Variants in TET1 observed in about 807,000 individuals in gnomAD.
TET1 encodes tet methylcytosine dioxygenase 1, also known as methylcytosine dioxygenase TET1.
TET1 carries 13 observed loss-of-function variants against 148.7 expected under a neutral mutation model. The ratio of observed to expected loss-of-function variants is 0.09; its 90% confidence interval spans 0.06 to 0.14. The LOEUF (loss-of-function observed/expected upper bound fraction) is 0.14. TET1 is among the 10% of genes least tolerant of loss of function. The probability of loss-of-function intolerance (pLI) is 1.00; values close to 1 mark genes in which losing one functional copy is unlikely to be tolerated. For synonymous variants in TET1, 907 were observed against 937.2 expected (o/e 0.97, Z 0.59); for missense variants, 2,182 against 2,553.8 (o/e 0.85, Z 3.14).
intron 3 of TET1, among the ~76,000 whole-genome samples, chr10:68,604,109 C>T (rs933397089): frequency 1.3e-5 from 2 of 152,178 alleles, no homozygotes; most frequent in African/African-American, 4.8e-5. Flanking sequence ...GGTCTAATTC[C>T]AGTCCTTCAA....
chr10:68,563,664 T>C (rs1459210249), intron 1 of TET1, among the ~76,000 whole-genome samples: 1 of 152,220 alleles, frequency 6.6e-6, no homozygotes, highest in African/African-American at 2.4e-5. Flanking sequence ...CTTGCTGACA[T>C]GTTGCTGTCA....
chr10:68,588,685 C>T (rs1164236329), intron 2 of TET1, among the ~76,000 whole-genome samples: 7 of 152,276 alleles, frequency 4.6e-5, no homozygotes, highest in South Asian at 4.1e-4. Flanking sequence ...AAAATGTTAA[C>T]ATGATTTAAA....
intron 3 of TET1, among the ~76,000 whole-genome samples, chr10:68,619,037 G>A (rs1002266801): frequency 2.6e-5 from 4 of 152,070 alleles, no homozygotes; most frequent in African/African-American, 9.7e-5. Flanking sequence ...TTAAATTTTC[G>A]AAAGGAATTA....
intron 2 of TET1, among the ~76,000 whole-genome samples, chr10:68,588,314 C>A (rs2053882358): frequency 6.6e-6 from 1 of 152,188 alleles, no homozygotes; most frequent in African/African-American, 2.4e-5. Flanking sequence ...AGCAGTATAG[C>A]ATTAAGAACT....
intron 2 of TET1, among the ~76,000 whole-genome samples, chr10:68,576,478 C>T (rs1590162835): frequency 1.3e-5 from 2 of 152,108 alleles, no homozygotes; most frequent in East Asian, 1.9e-4. Flanking sequence ...GCCTGGGCAA[C>T]ATAGCAAGAC....
chr10:68,691,319 C>G lies in TET1; in HGVS notation c.5916C>G (p.Asp1972Glu), dbSNP rs181081228. Reference protein sequence around the residue: ...QHSEADEPPSDEPLSDDPLSP... With the variant: ...QHSEADEPPSEEPLSDDPLSP... ...CTGAAGCAGATGAGCCTCCATCAGA[C>G]GAACCCCTATCTGATGACCCCCTGT... The change falls in exon 12 of 12, where the codon GAC (aspartate) becomes GAG (glutamate). Residue 1972 changes from aspartate to glutamate, a missense_variant. Transcript: ENST00000373644. This position sits in a 1 kb window ranked among gnomAD's most constrained non-coding sequence, Gnocchi z 4.4. The G allele has an allele frequency of 1.2e-6, 2 of 1,614,178 alleles. No individual in the cohort carries two copies. Among genetic ancestry groups the G allele is most frequent in the Admixed American group, 3.3e-5 (2 of 60,022 alleles).
intron 2 of TET1, among the ~76,000 whole-genome samples, chr10:68,591,228 TG>T (rs1200631940): frequency 6.6e-6 from 1 of 152,230 alleles, no homozygotes; most frequent in Non-Finnish European, 1.5e-5. Flanking sequence ...AAACAGACTT[TG>T]GAAAGTTAAT....
At chr10:68,637,581 T>G (rs963925872) in intron 3 of TET1, among the ~76,000 whole-genome samples, 11 of 147,088 alleles carry the variant, frequency 7.5e-5, no homozygotes, top group Non-Finnish European at 1.5e-4. Context: ...GCTGGAGTGC[T>G]GTGGTGCCAT....
rs1313512299 is a variant in TET1 at position 68,651,901 on chromosome 10, A to C, written c.4332A>C (p.Pro1444=). 6.2e-7 allele frequency: 1 copy of C among 1,614,020 alleles called. No homozygotes were observed. The highest frequency in any genetic ancestry group is 1.7e-5 in the Admixed American group (1 of 59,978). The change falls in exon 5 of 12, where the codon CCA becomes CCC. Residue 1444 remains proline (P), a synonymous_variant. Coordinates refer to ENST00000373644, the MANE Select transcript of TET1 (RefSeq NM_030625.3). ...ATTATACACACCTTGGGGCAGGACCAAGTGTTGCTGCTGTCAGGGAAATCA... is the reference window on the plus strand; with the variant it reads ...ATTATACACACCTTGGGGCAGGACCCAGTGTTGCTGCTGTCAGGGAAATCA... ...GPYYTHLGAG[P]SVAAVREIME... is the part of the protein sequence containing the mutation.
chr10:68,574,057 T>A lies in TET1; in HGVS notation c.1719T>A (p.Ser573=). 6.2e-7 allele frequency: 1 copy of A among 1,614,192 alleles called. No homozygotes were observed. Among genetic ancestry groups the A allele is most frequent in the Non-Finnish European group, 8.5e-7 (1 of 1,180,046 alleles). The change falls in exon 2 of 12, where the codon TCT becomes TCA. Residue 573 remains serine (S), a synonymous_variant. Coordinates refer to ENST00000373644, the MANE Select transcript of TET1 (RefSeq NM_030625.3). Reference sequence around the variant, plus strand: ...CAGTGCCAATGGTCAGTACCTCCTCTTCTTCCTATACCACTTTGCTACCGA... The same window carrying A: ...CAGTGCCAATGGTCAGTACCTCCTCATCTTCCTATACCACTTTGCTACCGA... ...TMPVPMVSTS[S]SSYTTLLPTL...
At chr10:68,654,341 C>T (rs2054988492) in intron 6 of TET1, among the ~76,000 whole-genome samples, 1 of 151,926 alleles carries the variant, frequency 6.6e-6, no homozygotes, top group African/African-American at 2.4e-5. Context: ...ATAGGCCAGG[C>T]GCAGTGGCTC....
intron 3 of TET1, among the ~76,000 whole-genome samples, chr10:68,608,417 A>G (rs1311000574): frequency 6.7e-6 from 1 of 148,938 alleles, no homozygotes; most frequent in Non-Finnish European, 1.5e-5. Flanking sequence ...CTTTATTTTC[A>G]GTAGAGATGG....
At chr10:68,681,837 G>A (rs532206061) in intron 9 of TET1, among the ~76,000 whole-genome samples, 83 of 151,822 alleles carry the variant, frequency 5.5e-4, no homozygotes, top group African/African-American at 1.9e-3. Flanking sequence ...TGTGGTGGGT[G>A]TGCACCTGTA....
intron 3 of TET1, among the ~76,000 whole-genome samples, chr10:68,635,933 T>C (rs999380518): frequency 6.6e-6 from 1 of 152,244 alleles, no homozygotes; most frequent in Non-Finnish European, 1.5e-5. Flanking sequence ...ATCTACATTT[T>C]AGAGAGTTTT....
At position 68,574,266 on chromosome 10, in the gene TET1, C is replaced by T; in HGVS notation, c.1914+14C>T. 6.2e-7 allele frequency: 1 copy of T among 1,602,282 alleles called. No homozygotes were observed. Among genetic ancestry groups the T allele is most frequent in the South Asian group, 1.1e-5 (1 of 89,904 alleles). The stretch of plus-strand genomic sequence containing the variant: ...GTGCCTCTGGAGGTAAGCAAACAGT[C>T]AAGGGGCTGGGAGACAGCTGACACT... On this transcript the variant is annotated intron_variant, in intron 2 of 11. Coordinates refer to ENST00000373644, the MANE Select transcript of TET1 (RefSeq NM_030625.3).
Position 68,645,120 on chromosome 10 carries a change from T to C in TET1, c.2391T>C (p.Thr797=). 1 of 1,613,672 alleles carries C rather than the reference T, an allele frequency of 6.2e-7. No homozygotes were observed. The highest frequency in any genetic ancestry group is 1.3e-5 in the African/African-American group (1 of 75,050). Residue 797 remains threonine (T), a synonymous_variant, in exon 4 of 12, where the codon ACT becomes ACC. Coordinates refer to ENST00000373644, the MANE Select transcript of TET1 (RefSeq NM_030625.3). ...ATTCTTATAAATTCCTAAAAGACACTGCAAACCATAAAAACGCTATGAGCT... is the reference window on the plus strand; with the variant it reads ...ATTCTTATAAATTCCTAAAAGACACCGCAAACCATAAAAACGCTATGAGCT... ...ENNSYKFLKD[T]ANHKNAMSSV...
chr10:68,671,602 CAAG>C (rs139370717), intron 7 of TET1, among the ~76,000 whole-genome samples: 7,670 of 152,170 alleles, frequency 0.05, 668 homozygotes, highest in African/African-American at 0.17. Flanking sequence ...TTTATAACTA[CAAG>C]AAGAATATAT....
At position 68,615,848 on chromosome 10, in the gene TET1, T is replaced by C. The variant is rs181140145; in HGVS notation, c.1968+14814T>C. ...TTTTAGTAGAGATGGGGTTTCTCCATGTTGGTCAGGCTGGTCTCGAACTCC... is the reference window on the plus strand; with the variant it reads ...TTTTAGTAGAGATGGGGTTTCTCCACGTTGGTCAGGCTGGTCTCGAACTCC... On this transcript the variant is annotated intron_variant, in intron 3 of 11. Coordinates refer to ENST00000373644, the MANE Select transcript of TET1 (RefSeq NM_030625.3). Among the ~76,000 whole-genome samples the C allele has an allele frequency of 7.8e-4, 119 of 152,184 alleles. 1 individual carries two copies. Among genetic ancestry groups the C allele is most frequent in the African/African-American group, 2.7e-3 (113 of 41,516 alleles).
intron 2 of TET1, among the ~76,000 whole-genome samples, chr10:68,585,129 C>G (rs537846812): frequency 1.3e-5 from 2 of 152,098 alleles, no homozygotes; most frequent in Admixed American, 6.5e-5. Flanking sequence ...CTCAGCCTCC[C>G]GAGTAGCTGG....
Sources: allele counts gnomAD v4.1 joint callset (sites outside exome capture counted in the v4.1 genomes callset), GRCh38; gene constraint gnomAD v4.1.1; non-coding constraint Gnocchi (gnomAD v3.1); transcripts MANE v1.5; gene names NCBI Gene and HGNC (gene_info 2026-07-23, HGNC 2026-07-21).